Variants in CNTNAP5 observed in about 807,000 individuals in gnomAD.
The protein encoded by CNTNAP5 is contactin-associated protein-like 5.
In CNTNAP5, 72 loss-of-function variants were observed where a neutral mutation model predicts 150.2. The observed-to-expected ratio is 0.48, with a 90% CI of 0.40 to 0.58. The LOEUF (loss-of-function observed/expected upper bound fraction) is 0.58, where lower values mean the gene tolerates loss of function less well. CNTNAP5 is among the 20% of genes least tolerant of loss of function. CNTNAP5 has a pLI of 0.00. For synonymous variants in CNTNAP5, 672 were observed against 619.8 expected, an observed-to-expected ratio of 1.08 and a Z score of -1.25; for missense variants, 1,636 against 1,626.2, an observed-to-expected ratio of 1.01 and a Z score of -0.10.
chr2:124,242,170 T>C, intron 2 of CNTNAP5, 30 bp from the exon 3 acceptor site: 1 of 1,528,114 alleles, frequency 6.5e-7, no homozygotes, highest in Non-Finnish European at 8.9e-7. Flanking sequence ...TTACTACAAC[T>C]CTCTCTCACT....
rs1392071852 is a variant in CNTNAP5, at chr2:124,434,571, C to T, written c.617C>T (p.Ser206Phe). ...KLMSTLKDVI[S>F]LKFKSMQGDG... ...ATGAGTACTCTCAAAGATGTGATCT[C>T]CCTGAAGTTCAAGAGCATGCAAGGA... The change falls in exon 5 of 24, where the codon TCC becomes TTC. Residue 206 changes from serine (S) to phenylalanine (F), a missense_variant. Ser to Phe is a radical substitution (Grantham distance 155, BLOSUM62 -2). Coordinates refer to ENST00000682447, the MANE Select transcript of CNTNAP5 (RefSeq NM_001367498.1). The T allele has an allele frequency of 2.5e-6, 4 of 1,613,866 alleles. No homozygotes were observed. Among genetic ancestry groups the T allele is most frequent in the Non-Finnish European group, 3.4e-6 (4 of 1,179,864 alleles).
intron 1 of CNTNAP5, among the ~76,000 whole-genome samples, chr2:124,080,572 G>A (rs1682537346): frequency 6.6e-6 from 1 of 152,142 alleles, no homozygotes; most frequent in Non-Finnish European, 1.5e-5. Context: ...TTCATCCGAG[G>A]GAACACTGAA....
intron 19 of CNTNAP5, among the ~76,000 whole-genome samples, chr2:124,831,633 A>G (rs1440065719): frequency 5.3e-5 from 8 of 151,004 alleles, no homozygotes; most frequent in Non-Finnish European, 1.0e-4. Context: ...TGTCTTTCAT[A>G]TATCAGTATT....
At chr2:124,832,818 T>C (rs781685391) in intron 19 of CNTNAP5, among the ~76,000 whole-genome samples, 2 of 152,020 alleles carry the variant, frequency 1.3e-5, no homozygotes, top group Non-Finnish European at 2.9e-5. Context: ...GAAAAAATAA[T>C]AGAGAACTTA....
chr2:124,832,213 A>C, intron 19 of CNTNAP5, among the ~76,000 whole-genome samples: 1 of 152,152 alleles, frequency 6.6e-6, no homozygotes, highest in East Asian at 1.9e-4. Flanking sequence ...TTTTATCCAT[A>C]ATTTTTAAAC....
intron 13 of CNTNAP5, among the ~76,000 whole-genome samples, chr2:124,708,672 T>C (rs1205343636): frequency 6.6e-6 from 1 of 152,150 alleles, no homozygotes; most frequent in Non-Finnish European, 1.5e-5. Context: ...AGAGTAAGGA[T>C]GCTACAAAGA....
chr2:124,385,573 C>G (rs1001749263), intron 3 of CNTNAP5, among the ~76,000 whole-genome samples: 3 of 152,200 alleles, frequency 2.0e-5, no homozygotes, highest in African/African-American at 7.2e-5. Context: ...TCTTCAATGC[C>G]TTGCACAATG....
intron 19 of CNTNAP5, among the ~76,000 whole-genome samples, chr2:124,849,000 T>C (rs908465050): frequency 2.0e-5 from 3 of 152,176 alleles, no homozygotes; most frequent in African/African-American, 7.2e-5. Context: ...TGATGTGGTC[T>C]CATTTATTTA....
chr2:124,816,235 T>C (rs1322122829), intron 19 of CNTNAP5, among the ~76,000 whole-genome samples: 1 of 152,176 alleles, frequency 6.6e-6, no homozygotes, highest in Admixed American at 6.5e-5. Flanking sequence ...TCACCATTTG[T>C]CTGTGTGCTC....
At chr2:124,518,302 A>G (rs1694776920) in intron 8 of CNTNAP5, among the ~76,000 whole-genome samples, 1 of 152,220 alleles carries the variant, frequency 6.6e-6, no homozygotes, top group African/African-American at 2.4e-5. Flanking sequence ...TTTTATCTAG[A>G]AAGATATATC....
chr2:124,498,804 C>T (rs759250772), intron 7 of CNTNAP5, among the ~76,000 whole-genome samples: 1 of 152,168 alleles, frequency 6.6e-6, no homozygotes, highest in Non-Finnish European at 1.5e-5. Flanking sequence ...GGTTACACTT[C>T]TCATGCCAAC....
chr2:124,128,546 C>A (rs942755587), intron 1 of CNTNAP5, among the ~76,000 whole-genome samples: 10 of 152,284 alleles, frequency 6.6e-5, no homozygotes, highest in African/African-American at 2.4e-4. Flanking sequence ...TTTGACCCAG[C>A]CATCCCATTA....
In CNTNAP5 at chr2:124,083,427, T is replaced by C. The variant is rs549394571; in HGVS notation, c.82+57695T>C. On this transcript the variant is annotated intron_variant, in intron 1 of 23. Transcript: ENST00000682447. Reference sequence around the variant, plus strand: ...GTAACTTGTTTTTCATTCCCATGTTTAGGGTCTTTTGTAGAATTAAAGTTT... The same window carrying C: ...GTAACTTGTTTTTCATTCCCATGTTCAGGGTCTTTTGTAGAATTAAAGTTT... Among the ~76,000 whole-genome samples, 69 of 152,316 alleles carry C rather than the reference T, an allele frequency of 4.5e-4. 1 individual carries two copies. The highest frequency in any genetic ancestry group is 2.5e-3 in the Admixed American group (38 of 15,298).
chr2:124,173,771 A>G (rs1385803725), intron 1 of CNTNAP5, among the ~76,000 whole-genome samples: 4 of 152,240 alleles, frequency 2.6e-5, no homozygotes, highest in Non-Finnish European at 4.4e-5. Flanking sequence ...GACATCACTG[A>G]TGAAGGTGGC....
At chr2:124,713,245 C>CTTTCTTTCTTTA (rs1317431658) in intron 13 of CNTNAP5, among the ~76,000 whole-genome samples, 1 of 45,072 alleles carries the variant, frequency 2.2e-5, no homozygotes, top group African/African-American at 7.0e-5. Context: ...CTTTCTTTCT[C>CTTTCTTTCTTTA]TTTCTTTCTT....
intron 1 of CNTNAP5, among the ~76,000 whole-genome samples, chr2:124,102,579 A>G (rs1487143948): frequency 1.3e-5 from 2 of 152,162 alleles, no homozygotes; most frequent in African/African-American, 2.4e-5. Flanking sequence ...CCTGGAAGCA[A>G]TGAGAAAGCT....
intron 3 of CNTNAP5, among the ~76,000 whole-genome samples, chr2:124,372,031 G>A (rs558713578): frequency 6.6e-6 from 1 of 152,098 alleles, no homozygotes. Context: ...AGGGAGAGGA[G>A]GAATCACCCT....
chr2:124,199,255 A>G (rs890072479), intron 1 of CNTNAP5, among the ~76,000 whole-genome samples: 4 of 152,092 alleles, frequency 2.6e-5, no homozygotes, highest in African/African-American at 9.7e-5. Context: ...AATTTCAATG[A>G]ATTCATAGAT....
intron 1 of CNTNAP5, among the ~76,000 whole-genome samples, chr2:124,121,377 T>C (rs1683558136): frequency 1.3e-5 from 2 of 152,184 alleles, no homozygotes; most frequent in South Asian, 4.1e-4. Flanking sequence ...GTGTGCATTT[T>C]CCTTCCTGCT....
Sources: allele counts gnomAD v4.1 joint callset (sites outside exome capture counted in the v4.1 genomes callset), GRCh38; gene constraint gnomAD v4.1.1; transcripts MANE v1.5; gene names NCBI Gene and HGNC (gene_info 2026-07-23, HGNC 2026-07-21).